Variants in IQCJ observed in about 807,000 individuals in gnomAD.
The protein encoded by IQCJ is IQ domain-containing protein J.
In IQCJ, 9 loss-of-function variants were observed where a neutral mutation model predicts 11.0. The observed-to-expected ratio is 0.82, with a 90% CI of 0.49 to 1.43. The LOEUF is 1.43. Ranked by LOEUF, IQCJ falls within the 40% of genes most tolerant of loss-of-function variation. The probability of loss-of-function intolerance (pLI) is 0.00; values close to 1 mark genes in which losing one functional copy is unlikely to be tolerated. For synonymous variants in IQCJ, 55 were observed against 51.3 expected (o/e 1.07, Z -0.31); for missense variants, 146 against 133.2 (o/e 1.10, Z -0.47).
chr3:159,234,902 T>G (rs969947413), intron 1 of IQCJ, among the ~76,000 whole-genome samples: 2 of 152,194 alleles, frequency 1.3e-5, no homozygotes, highest in African/African-American at 4.8e-5. Context: ...CAAAAAAATC[T>G]AATCTGGATG....
chr3:159,161,850 G>T (rs552131556), intron 1 of IQCJ, among the ~76,000 whole-genome samples: 46 of 152,212 alleles, frequency 3.0e-4, no homozygotes, highest in South Asian at 2.3e-3. Context: ...TAGATATGTG[G>T]CGTTATTTCT....
chr3:159,159,956 C>T (rs981786787), intron 1 of IQCJ, among the ~76,000 whole-genome samples: 11 of 152,158 alleles, frequency 7.2e-5, no homozygotes, highest in African/African-American at 2.2e-4. Flanking sequence ...GCTTCATATA[C>T]AGCCTGCAGA....
At chr3:159,218,850 TTA>T (rs1412932293) in intron 1 of IQCJ, among the ~76,000 whole-genome samples, 4 of 151,962 alleles carry the variant, frequency 2.6e-5, no homozygotes, top group Admixed American at 6.6e-5. Context: ...TTTTGATGAG[TTA>T]ACATCAAGGT....
chr3:159,080,706 C>T (rs916498341), intron 1 of IQCJ, among the ~76,000 whole-genome samples: 5 of 152,118 alleles, frequency 3.3e-5, no homozygotes, highest in Non-Finnish European at 7.4e-5. Flanking sequence ...AGGCATTTTA[C>T]AGTGAAAGAA....
chr3:159,091,939 A>AT (rs1399694839), intron 1 of IQCJ, among the ~76,000 whole-genome samples: 2 of 152,032 alleles, frequency 1.3e-5, no homozygotes, highest in Non-Finnish European at 2.9e-5. Flanking sequence ...GATAATAACT[A>AT]TTTTGAAATT....
chr3:159,140,360 T>C (rs1247906164), intron 1 of IQCJ, among the ~76,000 whole-genome samples: 1 of 152,136 alleles, frequency 6.6e-6, no homozygotes, highest in Non-Finnish European at 1.5e-5. Context: ...CAGTAACCCC[T>C]GGAGAAGGAA....
chr3:159,074,580 C>T (rs902422867), intron 1 of IQCJ, among the ~76,000 whole-genome samples: 8 of 152,026 alleles, frequency 5.3e-5, no homozygotes, highest in Non-Finnish European at 1.0e-4. Flanking sequence ...AGGCACTGCT[C>T]GTTCAACTCC....
intron 1 of IQCJ, among the ~76,000 whole-genome samples, chr3:159,118,207 T>A (rs539751933): frequency 1.3e-5 from 2 of 152,106 alleles, no homozygotes; most frequent in Admixed American, 1.3e-4. Flanking sequence ...AAGAGAGAAA[T>A]GGGGAAGCGA....
chr3:159,077,656 T>G (rs1716014839), intron 1 of IQCJ, among the ~76,000 whole-genome samples: 1 of 152,098 alleles, frequency 6.6e-6, no homozygotes, highest in Non-Finnish European at 1.5e-5. Context: ...TCCATTTGCT[T>G]GTATAGTCAT....
At chr3:159,202,960 G>A (rs1256889052) in intron 1 of IQCJ, among the ~76,000 whole-genome samples, 9 of 152,158 alleles carry the variant, frequency 5.9e-5, no homozygotes, top group African/African-American at 1.9e-4. Context: ...CCACAGACAA[G>A]TAACATAGAT....
At chr3:159,228,785 AGAGC>A (rs1726014249) in intron 1 of IQCJ, among the ~76,000 whole-genome samples, 1 of 143,338 alleles carries the variant, frequency 7.0e-6, no homozygotes, top group Non-Finnish European at 1.5e-5. Context: ...CCTGGGCGAC[AGAGC>A]GAGACTCCGT....
At chr3:159,158,394 T>C (rs1161421252) in intron 1 of IQCJ, among the ~76,000 whole-genome samples, 2 of 152,178 alleles carry the variant, frequency 1.3e-5, no homozygotes, top group East Asian at 3.9e-4. Flanking sequence ...CTCAGAAGTT[T>C]TGTGAGTTCA....
At chr3:159,128,344 A>G (rs535076580) in intron 1 of IQCJ, among the ~76,000 whole-genome samples, 1 of 152,342 alleles carries the variant, frequency 6.6e-6, no homozygotes, top group Admixed American at 6.5e-5. Flanking sequence ...ATAGAAATCC[A>G]GACATTAAGA....
In IQCJ at chr3:159,104,582, T is replaced by C. The variant is rs76049608; in HGVS notation, c.9+35141T>C. ...TAGTTGCTTTGGAATAAATCCCCCA[T>C]GCATTATTTACCTGTTCTCCTGGAG... is the stretch of plus-strand genomic sequence containing the variant. On this transcript the variant is annotated intron_variant, in intron 1 of 3. Transcript: ENST00000397832. Among the ~76,000 whole-genome samples the C allele has an allele frequency of 3.7e-3, 556 of 152,318 alleles. 4 individuals carry two copies. Among genetic ancestry groups the C allele is most frequent in the African/African-American group, 0.013 (541 of 41,566 alleles).
intron 1 of IQCJ, among the ~76,000 whole-genome samples, chr3:159,165,494 G>A (rs933529507): frequency 6.6e-6 from 1 of 152,142 alleles, no homozygotes; most frequent in African/African-American, 2.4e-5. Context: ...TGTATTCTCT[G>A]TGAACATAAA....
At chr3:159,123,323 A>G (rs1456121283) in intron 1 of IQCJ, among the ~76,000 whole-genome samples, 1 of 152,040 alleles carries the variant, frequency 6.6e-6, no homozygotes, top group Non-Finnish European at 1.5e-5. Flanking sequence ...GCCTGCTCAG[A>G]CCCTGCTACA....
At chr3:159,118,800 T>C (rs1460898346) in intron 1 of IQCJ, among the ~76,000 whole-genome samples, 4 of 152,192 alleles carry the variant, frequency 2.6e-5, no homozygotes. Flanking sequence ...TCTCCTTATA[T>C]TGGAAACCCC....
At position 159,088,793 on chromosome 3, in the gene IQCJ, T is replaced by C. The variant is rs376784190; in HGVS notation, c.9+19352T>C. Among the ~76,000 whole-genome samples, 548 of 152,256 alleles carry C rather than the reference T, an allele frequency of 3.6e-3. 6 individuals carry two copies. Among genetic ancestry groups the C allele is most frequent in the African/African-American group, 0.013 (520 of 41,536 alleles). ...CTTGGTAGATCTTCCTCCATCCTTT[T>C]ATTTTGAGCCTATGTGTGTCTCTGC... On this transcript the variant is annotated intron_variant, in intron 1 of 3. Coordinates refer to ENST00000397832, the MANE Select transcript of IQCJ (RefSeq NM_001042706.3).
At chr3:159,188,385 G>T (rs1428796901) in intron 1 of IQCJ, among the ~76,000 whole-genome samples, 1 of 152,102 alleles carries the variant, frequency 6.6e-6, no homozygotes, top group Non-Finnish European at 1.5e-5. Context: ...ACTCCAGCCT[G>T]GGCAACAAGA....
Sources: allele counts gnomAD v4.1 joint callset (sites outside exome capture counted in the v4.1 genomes callset), GRCh38; gene constraint gnomAD v4.1.1; transcripts MANE v1.5; gene names NCBI Gene and HGNC (gene_info 2026-07-23, HGNC 2026-07-21).